Variants in CLASRP observed in about 807,000 individuals in gnomAD.
CLASRP encodes the protein CLK4-associating serine/arginine rich protein.
CLASRP carries 52 observed loss-of-function variants against 99.9 expected under a neutral mutation model. The observed-to-expected ratio is 0.52, with a 90% CI of 0.42 to 0.66. The LOEUF (loss-of-function observed/expected upper bound fraction) is 0.66. Ranked by LOEUF, CLASRP falls within the 30% of genes least tolerant of loss-of-function variation. The pLI, the probability that CLASRP is intolerant of heterozygous loss-of-function variation, is 0.00. For missense variants in CLASRP, 848 were observed against 999.2 expected (o/e 0.85, Z 2.04); for synonymous variants, 379 against 373.0 (o/e 1.02, Z -0.18).
chr19:45,070,152 T>C (rs774540492), intron 19 of CLASRP, 48 bp downstream of exon 19: 2 of 1,211,966 alleles, frequency 1.7e-6, no homozygotes, highest in South Asian at 1.2e-5. Flanking sequence ...TAAAGAAAAG[T>C]GTCAAGCAGG....
chr19:45,069,760 G>C (rs1568423879), intron 18 of CLASRP: 1 of 503,680 alleles, frequency 2.0e-6, no homozygotes, highest in Non-Finnish European at 3.6e-6. Context: ...GTGTGCAGGT[G>C]CCCCAGTGCG....
Position 45,070,861 on chromosome 19 carries a change from GT to G in CLASRP, c.*17del. 6.6e-7 allele frequency: 1 copy of G among 1,514,234 alleles called. No homozygotes were observed. The highest frequency in any genetic ancestry group is 9.1e-7 in the Non-Finnish European group (1 of 1,094,234). The allele number at this position is 1,514,234 out of a possible 1,614,324, so 93.8% of individuals were successfully genotyped here. On this transcript the variant is annotated 3_prime_UTR_variant, in exon 21 of 21. Coordinates refer to ENST00000221455, the MANE Select transcript of CLASRP (RefSeq NM_007056.3). ...CCGACATTAGGCAGAAGAGTGGGGG[GT>G]GGGGAGGACAAGGGGGTGGGTAAGG...
chr19:45,057,340 C>T (rs1022487560), intron 6 of CLASRP, among the ~76,000 whole-genome samples: 6 of 152,204 alleles, frequency 3.9e-5, no homozygotes, highest in South Asian at 2.1e-4. Flanking sequence ...CTTCAGCCCT[C>T]GTCCACGGCC....
At chr19:45,068,301 C>G (rs538616257) in intron 15 of CLASRP, 119 bp from the exon 16 acceptor site, 12 of 671,702 alleles carry the variant, frequency 1.8e-5, no homozygotes, top group Admixed American at 8.6e-5. Context: ...CCCTCCTCCC[C>G]ACGTCGTTCT....
At position 45,059,638 on chromosome 19, in the gene CLASRP, G is replaced by T. The variant is rs183322884; in HGVS notation, c.710+274G>T. 8.5e-5 allele frequency among the ~76,000 whole-genome samples: 13 copies of T among 152,228 alleles called. No homozygotes were observed. The East Asian group carries it at 2.5e-3, about 29-fold the overall frequency. On this transcript the variant is annotated intron_variant, in intron 8 of 20. Transcript: ENST00000221455. ...CGAAGCTCTGGGGATTCCTAGGCTG[G>T]GGGACAGCGCCCTCTAGTGGAGAGG...
At chr19:45,046,763 C>T (rs1390219786) in intron 2 of CLASRP, among the ~76,000 whole-genome samples, 1 of 152,240 alleles carries the variant, frequency 6.6e-6, no homozygotes, top group South Asian at 2.1e-4. Context: ...CGCGGTAGCT[C>T]ACGCCTGTAA....
At chr19:45,061,931 G>C (rs538229503) in intron 10 of CLASRP, among the ~76,000 whole-genome samples, 1 of 150,252 alleles carries the variant, frequency 6.7e-6, no homozygotes, top group South Asian at 2.1e-4. Flanking sequence ...TCAGAGTCAT[G>C]ATGGGTCTAG....
chr19:45,056,336 C>T (rs537895047), intron 5 of CLASRP, 114 bp from the exon 6 acceptor site: 5 of 832,416 alleles, frequency 6.0e-6, no homozygotes, highest in African/African-American at 5.0e-5. Context: ...TGACTGCCCC[C>T]CAAGGTGCAC....
rs553847506 is a variant in CLASRP at position 45,061,785 on chromosome 19, TATC to T, written c.864-345_864-343del. Among the ~76,000 whole-genome samples the T allele has an allele frequency of 1.1e-3, 166 of 151,430 alleles. 1 individual carries two copies. The highest frequency in any genetic ancestry group is 1.7e-3 in the Non-Finnish European group (115 of 67,814). ...CACCGCACCCAGCCTATTTTAATCT[TATC>T]ATCATCATCATCATCATCATCATTA... On this transcript the variant is annotated intron_variant, in intron 10 of 20. Transcript: ENST00000221455.
intron 2 of CLASRP, among the ~76,000 whole-genome samples, chr19:45,043,393 CAG>C (rs1568410469): frequency 8.8e-6 from 1 of 114,132 alleles, no homozygotes; most frequent in African/African-American, 3.7e-5. Context: ...GCCTGGGCGA[CAG>C]AGCGAGACTC....
In CLASRP at chr19:45,064,359, T is replaced by G. The variant is rs1967021530; in HGVS notation, c.1138T>G (p.Ser380Ala). 1 of 1,532,304 alleles carries G rather than the reference T, an allele frequency of 6.5e-7. No individual in the cohort carries two copies. The highest frequency in any genetic ancestry group is 1.2e-5 in the South Asian group (1 of 83,624). 94.9% of individuals were successfully genotyped at this position (1,532,304 alleles called of 1,614,324 possible). Residue 380 changes from serine (S) to alanine (A), a missense_variant, in exon 13 of 21, where the codon TCC becomes GCC. Physicochemically the swap from Ser to Ala is moderately conservative, Grantham distance 99. Around this residue, in one of 8 missense-constraint regions of CLASRP, gnomAD observed 489 missense variants for 434.7 expected, o/e 1.12. Transcript: ENST00000221455. ...CGCCTGCAGCCGCCGCTCCTCCTCC[T>G]CCTCCTCCTCCTCTTCTGCCTCGAG... ...NASARRRSSS[S>A]SSSSSASRTS...
Position 45,053,677 on chromosome 19 carries a change from G to A in CLASRP, c.379+500G>A, listed in dbSNP as rs138816814. 8.3e-3 allele frequency among the ~76,000 whole-genome samples: 1,267 copies of A among 152,108 alleles called. 11 individuals carry two copies. The highest frequency in any genetic ancestry group is 0.012 in the Non-Finnish European group (821 of 68,004). ...GTATTTTTAGTAGAGACGGGGTTTC[G>A]CCATATTGGCCAGGCTGGTCTCGAA... is the stretch of plus-strand genomic sequence containing the variant. On this transcript the variant is annotated intron_variant, in intron 5 of 20. Transcript: ENST00000221455.
intron 18 of CLASRP, chr19:45,069,652 G>C: frequency 2.2e-6 from 1 of 445,068 alleles, no homozygotes; most frequent in Admixed American, 3.7e-5. Flanking sequence ...GGGAGGATTT[G>C]ACAAGATCAA....
intron 13 of CLASRP, among the ~76,000 whole-genome samples, chr19:45,065,940 C>T (rs549291256): frequency 5.3e-5 from 8 of 152,286 alleles, no homozygotes; most frequent in Admixed American, 2.0e-4. Context: ...ATCGCCATGT[C>T]AGCTGCCTTC....
chr19:45,069,110 G>C lies in CLASRP; in HGVS notation c.1813G>C (p.Glu605Gln), dbSNP rs753116152. The C allele has an allele frequency of 1.2e-6, 2 of 1,614,200 alleles. No individual in the cohort carries two copies. Among genetic ancestry groups the C allele is most frequent in the East Asian group, 2.2e-5 (1 of 44,876 alleles). Residue 605 changes from glutamate (E) to glutamine (Q), a missense_variant, in exon 17 of 21, where the codon GAG becomes CAG. Glu to Gln is a conservative substitution (Grantham distance 29, BLOSUM62 2). Transcript: ENST00000221455. ...GGCACAAGAAAAGATGATCCAGCAG[G>C]AGCATGAGCGGCAGGTGAAGTGGGA... is the stretch of plus-strand genomic sequence containing the variant. ...KAAQEKMIQQEHERQEREDEL... is the reference protein window; with the variant it reads ...KAAQEKMIQQQHERQEREDEL...
chr19:45,050,959 T>G (rs965711834), intron 2 of CLASRP, among the ~76,000 whole-genome samples: 17 of 152,128 alleles, frequency 1.1e-4, no homozygotes, highest in African/African-American at 3.4e-4. Context: ...CCTCAGGTGA[T>G]CCGCCTGCCT....
chr19:45,040,485 G>A (rs903772993), intron 2 of CLASRP, 174 bp downstream of exon 2: 28 of 528,414 alleles, frequency 5.3e-5, no homozygotes, highest in Non-Finnish European at 8.7e-5. Flanking sequence ...AAGGGCTTCT[G>A]TTTGTTGTAG....
At chr19:45,064,321 GC>G (rs1351951687) in intron 12 of CLASRP, 21 bp from the exon 13 acceptor site, 11 of 1,515,960 alleles carry the variant, frequency 7.3e-6, no homozygotes, top group Admixed American at 2.0e-5. Flanking sequence ...GCGCTGACCG[GC>G]CCTCCGTGCC....
Position 45,067,587 on chromosome 19 carries a change from C to A in CLASRP, c.1660C>A (p.Leu554Met). Reference sequence around the variant, plus strand: ...CGCGTCCCCTGCTGTGGGCGAGAAGCTGAAAAAGTGAGCGGGGCGGGTCTG... The same window carrying A: ...CGCGTCCCCTGCTGTGGGCGAGAAGATGAAAAAGTGAGCGGGGCGGGTCTG... ...PAASPAVGEK[L>M]KKTEPAAGKE... The change falls in exon 14 of 21, where the codon CTG becomes ATG. Residue 554 changes from leucine (L) to methionine (M), a missense_variant. Coordinates refer to ENST00000221455, the MANE Select transcript of CLASRP (RefSeq NM_007056.3). The surrounding 1 kb of genome is among the most constrained non-coding windows in gnomAD (Gnocchi z 4.9). The A allele has an allele frequency of 6.3e-7, 1 of 1,596,362 alleles. No individual in the cohort carries two copies. The highest frequency in any genetic ancestry group is 8.5e-7 in the Non-Finnish European group (1 of 1,172,848).
Sources: allele counts gnomAD v4.1 joint callset (sites outside exome capture counted in the v4.1 genomes callset), GRCh38; gene constraint gnomAD v4.1.1; regional missense constraint gnomAD v4.1.1; non-coding constraint Gnocchi (gnomAD v3.1); transcripts MANE v1.5; gene names NCBI Gene and HGNC (gene_info 2026-07-23, HGNC 2026-07-21).